The following FRMPD3 variants were observed in gnomAD, a reference collection of about 807,000 sequenced individuals.
FRMPD3 encodes FERM and PDZ domain-containing protein 3.
In FRMPD3, 42 loss-of-function variants were observed where a neutral mutation model predicts 97.9. The ratio of observed to expected loss-of-function variants is 0.43; its 90% CI spans 0.34 to 0.55. The LOEUF (loss-of-function observed/expected upper bound fraction) is 0.55, where lower values mean the gene tolerates loss of function less well. FRMPD3 is among the 20% of genes least tolerant of loss of function. The pLI, the probability that FRMPD3 is intolerant of heterozygous loss-of-function variation, is 0.03. For missense variants in FRMPD3, 1,303 were observed against 1,457.7 expected, an observed-to-expected ratio of 0.89 and a Z score of 1.73; for synonymous variants, 577 against 581.1, an observed-to-expected ratio of 0.99 and a Z score of 0.10.
At chrX:107,491,974 A>G (rs748411499) in intron 1 of FRMPD3, among the ~76,000 whole-genome samples, 1 of 107,661 alleles carries the variant, frequency 9.3e-6, no homozygotes, top group African/African-American at 3.4e-5. Context: ...CACCCTGCCC[A>G]CTGACATCCC....
chrX:107,478,710 C>G (rs1456469715), intron 1 of FRMPD3, among the ~76,000 whole-genome samples: 1 of 111,678 alleles, frequency 9.0e-6, no homozygotes, highest in African/African-American at 3.3e-5. Context: ...ATTGTAAAGC[C>G]GAGCCATGCA....
At chrX:107,544,135 C>A in intron 4 of FRMPD3, among the ~76,000 whole-genome samples, 1 of 111,003 alleles carries the variant, frequency 9.0e-6, no homozygotes, top group Non-Finnish European at 1.9e-5. Flanking sequence ...TATTATAAGC[C>A]AGACACAGAA....
chrX:107,537,932 C>T (rs1269114062), intron 4 of FRMPD3, among the ~76,000 whole-genome samples: 5 of 111,560 alleles, frequency 4.5e-5, no homozygotes, highest in African/African-American at 1.3e-4. Context: ...CGTTCCCAGC[C>T]GAGGTCGGAC....
At chrX:107,524,696 A>G (rs940749980) in intron 1 of FRMPD3, among the ~76,000 whole-genome samples, 5 of 112,752 alleles carry the variant, frequency 4.4e-5, no homozygotes, top group Admixed American at 1.9e-4. Context: ...GCTAATAAAG[A>G]ATTGCATTGC....
intron 2 of FRMPD3, among the ~76,000 whole-genome samples, chrX:107,528,667 C>A (rs993063287): frequency 8.9e-6 from 1 of 112,699 alleles, no homozygotes; most frequent in African/African-American, 3.2e-5. Context: ...GTTATTTTCC[C>A]ATTTTATAGA....
intron 1 of FRMPD3, among the ~76,000 whole-genome samples, chrX:107,487,889 AG>A (rs936051059): frequency 8.9e-6 from 1 of 112,314 alleles, no homozygotes; most frequent in African/African-American, 3.2e-5. Flanking sequence ...AAATGTGTGT[AG>A]AAGGCTTAGG....
intron 11 of FRMPD3, among the ~76,000 whole-genome samples, chrX:107,563,662 T>A (rs1180251089): frequency 8.9e-6 from 1 of 112,750 alleles, no homozygotes; most frequent in Non-Finnish European, 1.9e-5. Flanking sequence ...CTGATTTTTT[T>A]TCCCTACCAT....
intron 13 of FRMPD3, among the ~76,000 whole-genome samples, chrX:107,595,963 G>GA (rs1214912876): frequency 2.7e-5 from 3 of 109,354 alleles, no homozygotes; most frequent in African/African-American, 9.9e-5. Flanking sequence ...GAAAAGAAAA[G>GA]AAAAGAAAGA....
At chrX:107,465,102 A>G (rs1476517212) in intron 1 of FRMPD3, among the ~76,000 whole-genome samples, 1 of 111,863 alleles carries the variant, frequency 8.9e-6, no homozygotes, top group African/African-American at 3.3e-5. Context: ...GTCAGTGAAG[A>G]ACAAAGTCAC....
intron 1 of FRMPD3, among the ~76,000 whole-genome samples, chrX:107,515,991 C>T (rs761084784): frequency 1.9e-5 from 2 of 107,998 alleles, no homozygotes; most frequent in East Asian, 3.0e-4. Flanking sequence ...CATCATTTAA[C>T]GTTAGGTATA....
chrX:107,510,522 G>A (rs1018276979), intron 1 of FRMPD3, among the ~76,000 whole-genome samples: 3 of 111,806 alleles, frequency 2.7e-5, no homozygotes, highest in African/African-American at 9.8e-5. Flanking sequence ...AGCTACCAAC[G>A]TGGGGGAGGT....
chrX:107,562,610 G>A lies in FRMPD3; in HGVS notation c.1027-501G>A, dbSNP rs148233504. Reference sequence around the variant, plus strand: ...GTAACTGCTGGCTCTCACATGAGGCGATTAAGGAGGAGTCCAGTGTGACTC... The same window carrying A: ...GTAACTGCTGGCTCTCACATGAGGCAATTAAGGAGGAGTCCAGTGTGACTC... On this transcript the variant is annotated intron_variant, in intron 10 of 14. Coordinates refer to ENST00000683843, the MANE Select transcript of FRMPD3 (RefSeq NM_001388459.1). Among the ~76,000 whole-genome samples, 777 of 111,569 alleles carry A rather than the reference G, an allele frequency of 7.0e-3. 8 individuals carry two copies. The highest frequency in any genetic ancestry group is 0.024 in the African/African-American group (722 of 30,204).
chrX:107,582,719 T>C (rs2053333872), intron 13 of FRMPD3, among the ~76,000 whole-genome samples: 1 of 112,629 alleles, frequency 8.9e-6, no homozygotes, highest in African/African-American at 3.2e-5. Context: ...ACTGCCTTGA[T>C]CTATACGTCT....
intron 12 of FRMPD3, among the ~76,000 whole-genome samples, 171 bp from the exon 13 acceptor site, chrX:107,576,144 A>T (rs1923105549): frequency 8.9e-6 from 1 of 112,470 alleles, no homozygotes; most frequent in Admixed American, 9.4e-5. Flanking sequence ...ATTACAAAGA[A>T]ATTCTCAAAT....
intron 1 of FRMPD3, among the ~76,000 whole-genome samples, chrX:107,480,462 A>C (rs1038289890): frequency 9.0e-6 from 1 of 111,480 alleles, no homozygotes; most frequent in African/African-American, 3.3e-5. Flanking sequence ...GAAGCTGACT[A>C]TGCAGTTTCT....
intron 1 of FRMPD3, among the ~76,000 whole-genome samples, chrX:107,498,059 A>T (rs1233509353): frequency 8.9e-6 from 1 of 112,512 alleles, no homozygotes; most frequent in Non-Finnish European, 1.9e-5. Flanking sequence ...TGCTATCAGA[A>T]CACTTCTCGG....
intron 1 of FRMPD3, among the ~76,000 whole-genome samples, chrX:107,491,020 C>T: frequency 8.9e-6 from 1 of 111,771 alleles, no homozygotes; most frequent in East Asian, 2.8e-4. Flanking sequence ...ATGGTGTTAT[C>T]ATCTGCATTT....
In FRMPD3 at chrX:107,461,080, C is replaced by T. The variant is rs775950440; in HGVS notation, c.-8+11075C>T. On this transcript the variant is annotated intron_variant, in intron 1 of 14. Transcript: ENST00000683843. The stretch of plus-strand genomic sequence containing the variant: ...CTGTTGGGTCTGCTTTCTTTTCTTC[C>T]CCCGACCCGCTTTAGAGATTTCCAC... Among the ~76,000 whole-genome samples, 208 of 111,777 alleles carry T rather than the reference C, an allele frequency of 1.9e-3. 1 individual carries two copies. The highest frequency in any genetic ancestry group is 3.1e-3 in the Non-Finnish European group (163 of 53,165).
chrX:107,533,868 C>A (rs1923098164), intron 4 of FRMPD3, among the ~76,000 whole-genome samples: 1 of 112,130 alleles, frequency 8.9e-6, no homozygotes. Flanking sequence ...ATGTATCTGT[C>A]CAATGTGAAC....
Sources: allele counts gnomAD v4.1 joint callset (sites outside exome capture counted in the v4.1 genomes callset), GRCh38; gene constraint gnomAD v4.1.1; transcripts MANE v1.5; gene names NCBI Gene and HGNC (gene_info 2026-07-23, HGNC 2026-07-21).